The following MROH2B variants were observed in gnomAD, a reference collection of about 807,000 sequenced individuals.
The protein encoded by MROH2B is maestro heat like repeat family member 2B.
MROH2B carries 177 observed loss-of-function variants against 208.6 expected under a neutral mutation model. That is an observed-to-expected ratio of 0.85 (90% CI 0.75 to 0.96). MROH2B has a LOEUF of 0.96. Among genes scored for constraint, MROH2B ranks in the 40% least tolerant of loss-of-function variants. MROH2B has a pLI of 0.00. For missense variants in MROH2B, 2,002 were observed against 1,878.7 expected, an observed-to-expected ratio of 1.07 and a Z score of -1.21; for synonymous variants, 728 against 659.0, an observed-to-expected ratio of 1.10 and a Z score of -1.60.
At chr5:41,046,525 A>G (rs558438018) in intron 17 of MROH2B, among the ~76,000 whole-genome samples, 1 of 152,238 alleles carries the variant, frequency 6.6e-6, no homozygotes, top group East Asian at 1.9e-4. Flanking sequence ...AGAAAAGGAC[A>G]CAATGCCAAA....
At chr5:41,008,568 G>A (rs1741667392) in intron 33 of MROH2B, 38 bp downstream of exon 33, 1 of 1,605,874 alleles carries the variant, frequency 6.2e-7, no homozygotes, top group Non-Finnish European at 8.5e-7. Flanking sequence ...TCTGGGATTA[G>A]GACCACTGTG....
intron 19 of MROH2B, 92 bp downstream of exon 19, chr5:41,042,000 G>T: frequency 1.5e-6 from 1 of 649,862 alleles, no homozygotes; most frequent in South Asian, 2.8e-5. Flanking sequence ...TGATTAAGTA[G>T]AACATTATTA....
chr5:41,002,355 C>A (rs1012938332), intron 37 of MROH2B, among the ~76,000 whole-genome samples: 1 of 152,080 alleles, frequency 6.6e-6, no homozygotes, highest in Non-Finnish European at 1.5e-5. Flanking sequence ...GAGGGTAAAG[C>A]GATTGCTCAG....
chr5:41,066,026 C>G (rs167815), intron 3 of MROH2B, among the ~76,000 whole-genome samples: 125,393 of 152,122 alleles, frequency 0.82, 51,816 homozygotes, highest in Middle Eastern at 0.87. Context: ...TAGTAAACTT[C>G]GAGGTCAGTA....
chr5:41,011,611 G>A (rs1391141946), intron 30 of MROH2B, among the ~76,000 whole-genome samples: 1 of 152,084 alleles, frequency 6.6e-6, no homozygotes, highest in African/African-American at 2.4e-5. Context: ...ATAGGGACAA[G>A]AACTTCTTTC....
chr5:41,032,446 G>A (rs1742603809), intron 24 of MROH2B, among the ~76,000 whole-genome samples: 1 of 152,064 alleles, frequency 6.6e-6, no homozygotes, highest in Non-Finnish European at 1.5e-5. Flanking sequence ...TTTGCCTGGA[G>A]GCCAAGATCT....
At chr5:41,050,852 C>T (rs924486986) in intron 13 of MROH2B, 125 bp downstream of exon 13, 10 of 645,634 alleles carry the variant, frequency 1.5e-5, no homozygotes, top group Admixed American at 3.6e-5. Context: ...CAATATACTT[C>T]CTCTAGTCAG....
intron 30 of MROH2B, among the ~76,000 whole-genome samples, chr5:41,011,827 G>A (rs529878567): frequency 1.0e-3 from 158 of 151,946 alleles, no homozygotes; most frequent in Non-Finnish European, 3.8e-4. Flanking sequence ...GCCACCATGC[G>A]CAGCTAAGTT....
intron 33 of MROH2B, 101 bp downstream of exon 33, chr5:41,008,505 G>T: frequency 1.5e-6 from 2 of 1,330,380 alleles, no homozygotes; most frequent in Admixed American, 2.2e-5. Context: ...CATGGACAAT[G>T]GATGCTATGA....
In MROH2B at chr5:41,057,315, G is replaced by A. The variant is rs200696573; in HGVS notation, c.802C>T (p.Leu268Phe). 2.5e-6 allele frequency: 4 copies of A among 1,592,174 alleles called. No homozygotes were observed. Among genetic ancestry groups the A allele is most frequent in the Non-Finnish European group, 3.4e-6 (4 of 1,168,468 alleles). ...LTAAVLYDIG[L>F]PRSLRRSIFI... is the part of the protein sequence containing the mutation. ...ATGGATCTTCTCAAGCTCCTTGGAA[G>A]GCCAATGTCATAAAGAACTGCTGCA... Residue 268 changes from leucine (L) to phenylalanine (F), a missense_variant, in exon 8 of 42, where the codon CTT (leucine) becomes TTT (phenylalanine). Transcript: ENST00000399564.
chr5:41,049,644 T>G (rs1182614859), intron 13 of MROH2B, among the ~76,000 whole-genome samples: 3 of 152,188 alleles, frequency 2.0e-5, no homozygotes, highest in African/African-American at 7.2e-5. Flanking sequence ...TGGTCAGTAT[T>G]TCTCCATGGG....
chr5:41,070,784 C>T (rs775079564), intron 1 of MROH2B, 41 bp downstream of exon 1: 2 of 1,599,726 alleles, frequency 1.3e-6, no homozygotes, highest in Non-Finnish European at 1.7e-6. Context: ...AAACAAAACA[C>T]AGGGAAGAGC....
intron 37 of MROH2B, among the ~76,000 whole-genome samples, chr5:41,002,105 C>A (rs971476514): frequency 2.6e-5 from 4 of 151,956 alleles, no homozygotes; most frequent in Non-Finnish European, 5.9e-5. Context: ...TTAAAAGATA[C>A]CTCTTTAGAA....
intron 21 of MROH2B, among the ~76,000 whole-genome samples, chr5:41,035,422 A>G (rs1742724023): frequency 6.6e-6 from 1 of 152,068 alleles, no homozygotes; most frequent in South Asian, 2.1e-4. Context: ...ACCTTTCACT[A>G]TGTATCAAAA....
intron 20 of MROH2B, 52 bp downstream of exon 20, chr5:41,039,396 G>A: frequency 9.4e-7 from 1 of 1,059,364 alleles, no homozygotes; most frequent in Non-Finnish European, 1.4e-6. Context: ...GAAGAAATCA[G>A]GGTTGTCTGG....
At chr5:41,067,727 G>A (rs1419550469) in intron 2 of MROH2B, among the ~76,000 whole-genome samples, 17 of 152,154 alleles carry the variant, frequency 1.1e-4, no homozygotes, top group Admixed American at 1.1e-3. Flanking sequence ...ACAGAGCAAA[G>A]TCAATTCTAA....
intron 18 of MROH2B, among the ~76,000 whole-genome samples, chr5:41,042,871 C>T (rs1362163560): frequency 6.6e-6 from 1 of 152,216 alleles, no homozygotes; most frequent in Non-Finnish European, 1.5e-5. Flanking sequence ...TCCTGAAGTG[C>T]TGGGATTTCA....
chr5:41,000,419 C>T, intron 38 of MROH2B, 68 bp from the exon 39 acceptor site: 2 of 1,569,196 alleles, frequency 1.3e-6, no homozygotes, highest in Non-Finnish European at 1.7e-6. Flanking sequence ...GGAAAAAATG[C>T]TGAATAGTAC....
At chr5:41,014,838 G>T (rs1230160469) in intron 29 of MROH2B, among the ~76,000 whole-genome samples, 1 of 151,950 alleles carries the variant, frequency 6.6e-6, no homozygotes, top group Non-Finnish European at 1.5e-5. Context: ...ATTTTTCTCA[G>T]TTATCATTAT....
Sources: allele counts gnomAD v4.1 joint callset (sites outside exome capture counted in the v4.1 genomes callset), GRCh38; gene constraint gnomAD v4.1.1; transcripts MANE v1.5; gene names NCBI Gene and HGNC (gene_info 2026-07-23, HGNC 2026-07-21).